The following CDC123 variants were observed in gnomAD, a reference collection of about 807,000 sequenced individuals.
CDC123 encodes the protein translation initiation factor eIF2 assembly protein.
In CDC123, 37 loss-of-function variants were observed where a neutral mutation model predicts 54.4. That is an observed-to-expected ratio of 0.68 (90% CI 0.52 to 0.89). The LOEUF is 0.89. Among genes scored for constraint, CDC123 ranks in the 40% least tolerant of loss-of-function variants. The pLI is 0.00. For missense variants in CDC123, 361 were observed against 412.1 expected (o/e 0.88, Z 1.07); for synonymous variants, 144 against 136.8 (o/e 1.05, Z -0.37).
chr10:12,227,067 A>G (rs1835830978), intron 6 of CDC123, among the ~76,000 whole-genome samples: 1 of 152,202 alleles, frequency 6.6e-6, no homozygotes, highest in African/African-American at 2.4e-5. Flanking sequence ...CAGCCCCACC[A>G]ACACGGCAAA....
At chr10:12,220,443 C>T (rs1380157000) in intron 6 of CDC123, among the ~76,000 whole-genome samples, 2 of 152,250 alleles carry the variant, frequency 1.3e-5, no homozygotes, top group Admixed American at 6.5e-5. Context: ...TGTTTACCCA[C>T]AAAATGCCAT....
chr10:12,240,650 G>A (rs554894876), intron 10 of CDC123, among the ~76,000 whole-genome samples: 1 of 152,314 alleles, frequency 6.6e-6, no homozygotes, highest in South Asian at 2.1e-4. Context: ...GAGGTGGGAG[G>A]ATGGCTTGAG....
At chr10:12,204,092 C>CAA (rs748765566) in intron 2 of CDC123, among the ~76,000 whole-genome samples, 67,828 of 129,734 alleles carry the variant, frequency 0.52, 18,357 homozygotes, top group Non-Finnish European at 0.62. Flanking sequence ...GACCTTGTCT[C>CAA]AAAAAAAAAA....
At chr10:12,232,607 G>T (rs181697898) in intron 7 of CDC123, among the ~76,000 whole-genome samples, 211 of 152,052 alleles carry the variant, frequency 1.4e-3, no homozygotes, top group African/African-American at 4.8e-3. Flanking sequence ...TATACAACTT[G>T]TGAGATTTTT....
At chr10:12,239,930 C>T (rs1836034084) in intron 10 of CDC123, among the ~76,000 whole-genome samples, 1 of 150,262 alleles carries the variant, frequency 6.7e-6, no homozygotes, top group African/African-American at 2.4e-5. Context: ...ATGGCGTGAA[C>T]CCGGGAGGCG....
At chr10:12,227,832 A>G (rs1224637111) in intron 6 of CDC123, among the ~76,000 whole-genome samples, 1 of 152,144 alleles carries the variant, frequency 6.6e-6, no homozygotes, top group Non-Finnish European at 1.5e-5. Flanking sequence ...AAACGTATAG[A>G]GGAAAGCTCT....
chr10:12,214,882 G>C (rs1027297935), intron 4 of CDC123, among the ~76,000 whole-genome samples: 4 of 151,924 alleles, frequency 2.6e-5, no homozygotes, highest in African/African-American at 9.7e-5. Flanking sequence ...CTCTTTACAG[G>C]GTATAAATGA....
chr10:12,247,768 A>C (rs1158311845), intron 11 of CDC123: 1 of 152,210 alleles, frequency 6.6e-6, no homozygotes, highest in African/African-American at 2.4e-5. Flanking sequence ...AACATGTCCA[A>C]GACGGGCGGA....
At chr10:12,225,355 A>G (rs1835795921) in intron 6 of CDC123, among the ~76,000 whole-genome samples, 1 of 152,208 alleles carries the variant, frequency 6.6e-6, no homozygotes. Context: ...AGATCGTGCC[A>G]CTGCGCTCCA....
chr10:12,208,788 T>C (rs1050486906), intron 2 of CDC123, among the ~76,000 whole-genome samples: 1 of 152,062 alleles, frequency 6.6e-6, no homozygotes, highest in African/African-American at 2.4e-5. Flanking sequence ...TTTCTTCTGC[T>C]CCCGCCAGTC....
At chr10:12,204,157 C>T (rs189909357) in intron 2 of CDC123, among the ~76,000 whole-genome samples, 4 of 151,792 alleles carry the variant, frequency 2.6e-5, no homozygotes, top group African/African-American at 7.2e-5. Context: ...TAATTAATCA[C>T]TGTGAGCTGG....
At chr10:12,215,100 C>G (rs1435988402) in intron 4 of CDC123, among the ~76,000 whole-genome samples, 2 of 152,110 alleles carry the variant, frequency 1.3e-5, no homozygotes, top group Non-Finnish European at 2.9e-5. Context: ...CGGGTCGAAA[C>G]AAACACAGAA....
intron 2 of CDC123, among the ~76,000 whole-genome samples, chr10:12,207,662 C>T (rs768746149): frequency 1.3e-5 from 2 of 152,098 alleles, no homozygotes; most frequent in African/African-American, 2.4e-5. Flanking sequence ...TGGGGTTGCT[C>T]AGTTTCTGCC....
intron 6 of CDC123, among the ~76,000 whole-genome samples, chr10:12,223,980 T>C (rs981197247): frequency 2.0e-5 from 3 of 152,196 alleles, no homozygotes; most frequent in Non-Finnish European, 4.4e-5. Context: ...CAGTGTACAC[T>C]GTACCCAACG....
At chr10:12,249,970 C>T (rs1248158355) in intron 12 of CDC123, 5 of 505,638 alleles carry the variant, frequency 9.9e-6, no homozygotes. Context: ...ATACTTGTAA[C>T]TTTGAAGAAA....
chr10:12,230,796 G>A (rs905059756), intron 6 of CDC123, 152 bp from the exon 7 acceptor site: 5 of 685,830 alleles, frequency 7.3e-6, no homozygotes, highest in South Asian at 3.4e-5. Context: ...CATTGAATAC[G>A]GCTCAGTAAG....
chr10:12,218,670 C>T (rs1471362639), intron 6 of CDC123, among the ~76,000 whole-genome samples: 3 of 152,142 alleles, frequency 2.0e-5, no homozygotes, highest in African/African-American at 2.4e-5. Context: ...TTTGACCTAC[C>T]CTCTGTTCTT....
intron 11 of CDC123, 105 bp from the exon 12 acceptor site, chr10:12,249,475 AG>A: frequency 8.7e-7 from 1 of 1,153,712 alleles, no homozygotes; most frequent in Non-Finnish European, 1.2e-6. Flanking sequence ...TCAAGTACAG[AG>A]GAAAACATGG....
chr10:12,207,870 A>C (rs572512431), intron 2 of CDC123, among the ~76,000 whole-genome samples: 1 of 152,312 alleles, frequency 6.6e-6, no homozygotes, highest in East Asian at 1.9e-4. Context: ...TCTGCTTACC[A>C]AAGGGGCTGA....
Sources: gnomAD v4.1 joint callset for allele counts (sites outside exome capture counted in the v4.1 genomes callset) on GRCh38, gnomAD v4.1.1 for gene constraint, MANE v1.5 for transcripts, NCBI Gene and HGNC (gene_info 2026-07-23, HGNC 2026-07-21) for gene names.